The following NEDD4 variants were observed in gnomAD, a reference collection of about 807,000 sequenced individuals.
NEDD4 encodes the protein E3 ubiquitin-protein ligase NEDD4.
A neutral mutation model predicts 144.9 loss-of-function variants in NEDD4; 99 were observed. That is an observed-to-expected ratio of 0.68 (90% CI 0.58 to 0.81). The LOEUF (loss-of-function observed/expected upper bound fraction) is 0.81, where lower values mean the gene tolerates loss of function less well. NEDD4 is among the 30% of genes least tolerant of loss of function. The probability of loss-of-function intolerance (pLI) is 0.00; values close to 1 mark genes in which losing one functional copy is unlikely to be tolerated. For missense variants in NEDD4, 985 were observed against 1,065.9 expected, an observed-to-expected ratio of 0.92 and a Z score of 1.06; for synonymous variants, 318 against 350.6, an observed-to-expected ratio of 0.91 and a Z score of 1.04.
rs2288346 is a variant in NEDD4 at position 55,846,955 on chromosome 15, T to C, written c.1608+14A>G. The stretch of plus-strand genomic sequence containing the variant: ...ATTGATGACTCTTAAGTATTTATTA[T>C]AAACATGACTAACCTGCTTCTTCAA... On this transcript the variant is annotated intron_variant, in intron 18 of 28. Coordinates refer to ENST00000435532, the MANE Select transcript of NEDD4 (RefSeq NM_006154.4). 1,390,395 of 1,536,942 alleles carry C rather than the reference T, an allele frequency of 0.9. 629,834 individuals are homozygous for C. The highest frequency in any genetic ancestry group is 0.95 in the East Asian group (41,858 of 44,066).
chr15:55,873,409 A>C (rs1411322516), intron 6 of NEDD4, among the ~76,000 whole-genome samples: 1 of 152,204 alleles, frequency 6.6e-6, no homozygotes, highest in East Asian at 1.9e-4. Context: ...TTGCTTTTCA[A>C]AACAAAATGG....
rs146680025 is a variant in NEDD4 at position 55,915,807 on chromosome 15, C to T, written c.291+8839G>A. On this transcript the variant is annotated intron_variant, in intron 5 of 28. Transcript: ENST00000435532. ...TAACGAGCCCTTCCTGTGAAGCGGCCGTATGTCTCTTACTTCTCCGGGGGT... is the reference window on the plus strand; with the variant it reads ...TAACGAGCCCTTCCTGTGAAGCGGCTGTATGTCTCTTACTTCTCCGGGGGT... The T allele has an allele frequency of 1.7e-5, 28 of 1,613,526 alleles. No homozygotes were observed. Among genetic ancestry groups the T allele is most frequent in the Middle Eastern group, 1.6e-4 (1 of 6,084 alleles).
intron 2 of NEDD4, among the ~76,000 whole-genome samples, chr15:55,956,723 T>G (rs2037344561): frequency 6.6e-6 from 1 of 152,218 alleles, no homozygotes; most frequent in South Asian, 2.1e-4. Flanking sequence ...TAGCAAGTCT[T>G]GAAATGGGGT....
At chr15:55,913,895 T>C (rs2036351264) in intron 5 of NEDD4, among the ~76,000 whole-genome samples, 1 of 152,010 alleles carries the variant, frequency 6.6e-6, no homozygotes, top group Non-Finnish European at 1.5e-5. Flanking sequence ...TAAGTAACAT[T>C]AATTCAACTA....
At chr15:55,917,741 AAC>A (rs2036489670) in intron 5 of NEDD4, among the ~76,000 whole-genome samples, 1 of 152,116 alleles carries the variant, frequency 6.6e-6, no homozygotes, top group African/African-American at 2.4e-5. Context: ...AGCCAAGTAG[AAC>A]AGTCTTTAAA....
intron 5 of NEDD4, among the ~76,000 whole-genome samples, chr15:55,897,532 A>T (rs1391048110): frequency 6.6e-6 from 1 of 152,208 alleles, no homozygotes; most frequent in Non-Finnish European, 1.5e-5. Context: ...CACTTTGCCC[A>T]TTTCAAAAGG....
chr15:55,922,763 A>T (rs1232475754), intron 5 of NEDD4, among the ~76,000 whole-genome samples: 1 of 152,212 alleles, frequency 6.6e-6, no homozygotes, highest in East Asian at 1.9e-4. Flanking sequence ...GTACTTGTGG[A>T]GGAAGAAAAG....
chr15:55,922,648 C>T (rs1345335332), intron 5 of NEDD4, among the ~76,000 whole-genome samples: 3 of 152,160 alleles, frequency 2.0e-5, no homozygotes, highest in Admixed American at 1.3e-4. Context: ...CAGGCATAAG[C>T]AACCATGCCC....
rs151125181 is a variant in NEDD4, at chr15:55,843,316, C to T, written c.1609-1153G>A. ...TGTTTAACCTCATAACAACACTATG[C>T]GAAAGCTACTATTATTGTCTTCATT... On this transcript the variant is annotated intron_variant, in intron 18 of 28. Coordinates refer to ENST00000435532, the MANE Select transcript of NEDD4 (RefSeq NM_006154.4). 2.0e-4 allele frequency among the ~76,000 whole-genome samples: 31 copies of T among 152,300 alleles called. No individual in the cohort carries two copies. In the East Asian group the frequency reaches 4.8e-3, roughly 24 times the overall value.
At chr15:55,942,078 AGTT>A (rs1232335156) in intron 4 of NEDD4, among the ~76,000 whole-genome samples, 13 of 149,352 alleles carry the variant, frequency 8.7e-5, no homozygotes, top group African/African-American at 2.0e-4. Flanking sequence ...TTTTTTGTCT[AGTT>A]GTTGTATCAG....
intron 2 of NEDD4, among the ~76,000 whole-genome samples, chr15:55,962,339 C>T (rs62045214): frequency 0.074 from 11,251 of 152,172 alleles, 489 homozygotes; most frequent in Admixed American, 0.12. Flanking sequence ...CAACATCTGT[C>T]TCATATTTAT....
rs902467199 is a variant in NEDD4 at position 55,985,916 on chromosome 15, T to C, written c.45+7595A>G. 9.2e-5 allele frequency among the ~76,000 whole-genome samples: 14 copies of C among 152,098 alleles called. 1 individual carries two copies. The highest frequency in any genetic ancestry group is 1.9e-4 in the East Asian group (1 of 5,182). ...CAGTGCTTCTAGGGAAAATGGCTGATTGTAGATAGCTGAGCCAAGCAAAAT... is the reference window on the plus strand; with the variant it reads ...CAGTGCTTCTAGGGAAAATGGCTGACTGTAGATAGCTGAGCCAAGCAAAAT... On this transcript the variant is annotated intron_variant, in intron 1 of 28. Transcript: ENST00000435532.
chr15:55,935,292 T>G (rs62045163), intron 4 of NEDD4, among the ~76,000 whole-genome samples: 12,477 of 152,256 alleles, frequency 0.082, 627 homozygotes, highest in Middle Eastern at 0.16. Context: ...CATAATTTAC[T>G]TACTGCTCCA....
At chr15:55,945,715 C>G (rs1361802378) in intron 4 of NEDD4, among the ~76,000 whole-genome samples, 1 of 151,992 alleles carries the variant, frequency 6.6e-6, no homozygotes, top group Non-Finnish European at 1.5e-5. Context: ...TTGTCAGATT[C>G]ACCAACGTTG....
At position 55,843,133 on chromosome 15, in the gene NEDD4, T is replaced by A. The variant is rs573072736; in HGVS notation, c.1609-970A>T. The stretch of plus-strand genomic sequence containing the variant: ...AAGATGTGACTTGCTCCTCCTTGCC[T>A]TCTGCCATGATTGTGAGGCCTCCCT... On this transcript the variant is annotated intron_variant, in intron 18 of 28. Transcript: ENST00000435532. 1.5e-3 allele frequency among the ~76,000 whole-genome samples: 235 copies of A among 152,328 alleles called. 1 individual carries two copies. The highest frequency in any genetic ancestry group is 5.1e-3 in the African/African-American group (212 of 41,576).
intron 1 of NEDD4, among the ~76,000 whole-genome samples, chr15:55,986,892 G>A (rs969384169): frequency 6.6e-6 from 1 of 151,888 alleles, no homozygotes; most frequent in Non-Finnish European, 1.5e-5. Flanking sequence ...ACCGCGCCCG[G>A]CCAAGGCCTG....
intron 11 of NEDD4, 59 bp downstream of exon 11, chr15:55,860,348 T>C: frequency 6.7e-7 from 1 of 1,503,002 alleles, no homozygotes; most frequent in Non-Finnish European, 9.1e-7. Context: ...AGTTGTTGAA[T>C]AGTATAATAT....
In NEDD4 at chr15:55,860,767, G is replaced by C; in HGVS notation, c.686C>G (p.Thr229Arg). The change falls in exon 10 of 29, where the codon ACA (threonine) becomes AGA (arginine). Residue 229 changes from threonine to arginine, a missense_variant. Transcript: ENST00000435532. Reference sequence around the variant, plus strand: ...TTGAATGTTGCCATTCTCAGCATCTGTTAGGTTGTCCCTATATTGGAAGTA... The same window carrying C: ...TTGAATGTTGCCATTCTCAGCATCTCTTAGGTTGTCCCTATATTGGAAGTA... ...WKRPTPQDNL[T>R]DAENGNIQLQ... is the part of the protein sequence containing the mutation. 6.2e-7 allele frequency: 1 copy of C among 1,613,902 alleles called. No individual in the cohort carries two copies.
intron 5 of NEDD4, among the ~76,000 whole-genome samples, chr15:55,920,079 G>T (rs1234903706): frequency 6.6e-6 from 1 of 152,140 alleles, no homozygotes; most frequent in Non-Finnish European, 1.5e-5. Context: ...GTAAGAAGCA[G>T]CAATTCTGCC....
Sources: allele counts gnomAD v4.1 joint callset (sites outside exome capture counted in the v4.1 genomes callset), GRCh38; gene constraint gnomAD v4.1.1; transcripts MANE v1.5; gene names NCBI Gene and HGNC (gene_info 2026-07-23, HGNC 2026-07-21).